The following ARHGAP35 variants were observed in gnomAD, a reference collection of about 807,000 sequenced individuals.
ARHGAP35 encodes rho GTPase-activating protein 35.
In ARHGAP35, 15 loss-of-function variants were observed where a neutral mutation model predicts 111.1. That is an observed-to-expected ratio of 0.13 (90% CI 0.09 to 0.21). The LOEUF (loss-of-function observed/expected upper bound fraction) is 0.21. Among genes scored for constraint, ARHGAP35 ranks in the 10% least tolerant of loss-of-function variants. The pLI is 1.00. For synonymous variants in ARHGAP35, 643 were observed against 710.3 expected (o/e 0.91, Z 1.51); for missense variants, 1,262 against 1,873.0 (o/e 0.67, Z 6.02).
At chr19:46,915,306 A>G (rs371107319) in intron 1 of ARHGAP35, among the ~76,000 whole-genome samples, 43 of 152,308 alleles carry the variant, frequency 2.8e-4, no homozygotes, top group African/African-American at 1.0e-3. Context: ...ATTCTAGAAC[A>G]TGGCATCTTT....
chr19:46,923,136 G>A (rs1342507659), intron 2 of ARHGAP35, among the ~76,000 whole-genome samples: 1 of 136,322 alleles, frequency 7.3e-6, no homozygotes, highest in Non-Finnish European at 1.5e-5. Flanking sequence ...ACGGAGTCTC[G>A]CTCAGTCACC....
chr19:46,861,824 C>T (rs1347413013), intron 1 of ARHGAP35, among the ~76,000 whole-genome samples: 1 of 152,104 alleles, frequency 6.6e-6, no homozygotes, highest in Non-Finnish European at 1.5e-5. Flanking sequence ...GGTTCCAACC[C>T]TTTGGAGATC....
intron 3 of ARHGAP35, among the ~76,000 whole-genome samples, chr19:46,951,396 C>T (rs2122246953): frequency 6.6e-6 from 1 of 152,252 alleles, no homozygotes; most frequent in Middle Eastern, 3.4e-3. Context: ...ACTTTTGAGG[C>T]ATGCCCTTGG....
chr19:46,879,889 C>A (rs1417973678), intron 1 of ARHGAP35, among the ~76,000 whole-genome samples: 1 of 151,616 alleles, frequency 6.6e-6, no homozygotes, highest in Non-Finnish European at 1.5e-5. Flanking sequence ...AGTTAGGGAC[C>A]AGCCTGGCCA....
At chr19:46,958,149 C>T (rs777740788) in intron 3 of ARHGAP35, among the ~76,000 whole-genome samples, 1 of 152,126 alleles carries the variant, frequency 6.6e-6, no homozygotes, top group Non-Finnish European at 1.5e-5. Context: ...TTTGGGAGGC[C>T]GAGGCGGGCG....
chr19:46,938,229 G>A (rs1404546456), intron 3 of ARHGAP35, among the ~76,000 whole-genome samples: 2 of 152,220 alleles, frequency 1.3e-5, no homozygotes, highest in East Asian at 3.8e-4. Flanking sequence ...ATTGTGTGGT[G>A]TGGACAGCCT....
chr19:46,917,379 A>G (rs925186932), intron 1 of ARHGAP35, among the ~76,000 whole-genome samples: 2 of 152,210 alleles, frequency 1.3e-5, no homozygotes, highest in Non-Finnish European at 2.9e-5. Flanking sequence ...AGGCCAAGGC[A>G]GGCAGATCGC....
intron 5 of ARHGAP35, among the ~76,000 whole-genome samples, chr19:46,991,950 T>C (rs1449496615): frequency 2.6e-5 from 4 of 152,214 alleles, no homozygotes; most frequent in Non-Finnish European, 1.5e-5. Flanking sequence ...TCACAACAAA[T>C]ATCAAGGTCA....
At chr19:46,955,936 T>A (rs1599845016) in intron 3 of ARHGAP35, among the ~76,000 whole-genome samples, 1 of 152,178 alleles carries the variant, frequency 6.6e-6, no homozygotes, top group African/African-American at 2.4e-5. Flanking sequence ...ATCCCTAATC[T>A]GAAATCCAAA....
At chr19:46,861,247 C>T (rs1381360042) in intron 1 of ARHGAP35, among the ~76,000 whole-genome samples, 38 bp downstream of exon 1, 1 of 151,162 alleles carries the variant, frequency 6.6e-6, no homozygotes, top group Non-Finnish European at 1.5e-5. Context: ...GCGGCGAGGC[C>T]GGGCGCCGCC....
intron 1 of ARHGAP35, among the ~76,000 whole-genome samples, chr19:46,876,629 C>A (rs928619122): frequency 6.6e-6 from 1 of 151,838 alleles, no homozygotes; most frequent in Non-Finnish European, 1.5e-5. Context: ...CCTCGGCCTC[C>A]CAAAGTGCTG....
chr19:46,973,734 T>A (rs2056564922), intron 3 of ARHGAP35, among the ~76,000 whole-genome samples: 1 of 149,184 alleles, frequency 6.7e-6, no homozygotes, highest in Non-Finnish European at 1.5e-5. Context: ...ATGTCTGTAA[T>A]CCCAGCACTT....
chr19:46,993,443 G>A lies in ARHGAP35; in HGVS notation c.4036+3768G>A, dbSNP rs768731260. On this transcript the variant is annotated intron_variant, in intron 5 of 6. Coordinates refer to ENST00000672722, the MANE Select transcript of ARHGAP35 (RefSeq NM_004491.5). The surrounding 1 kb of genome is among the most constrained non-coding windows in gnomAD (Gnocchi z 4.6). Reference sequence around the variant, plus strand: ...TGGCAAGTGGCGCAGCACAGCCAGGGCAGGAGTGTTCTTTGGGAACAGGGT... The same window carrying A: ...TGGCAAGTGGCGCAGCACAGCCAGGACAGGAGTGTTCTTTGGGAACAGGGT... 2.4e-4 allele frequency among the ~76,000 whole-genome samples: 36 copies of A among 152,360 alleles called. No homozygotes were observed. The highest frequency in any genetic ancestry group is 6.8e-3 in the Middle Eastern group (2 of 294).
chr19:47,003,768 TG>T lies in ARHGAP35; in HGVS notation c.*3081del, dbSNP rs2056760839. 1 of 151,990 alleles carries T rather than the reference TG, an allele frequency of 6.6e-6. No individual in the cohort carries two copies. Among genetic ancestry groups the T allele is most frequent in the South Asian group, 2.1e-4 (1 of 4,826 alleles). The allele number at this position is 151,990 out of a possible 1,614,324, so 9.4% of individuals were successfully genotyped here. Reference sequence around the variant, plus strand: ...TGTCTTTGTCACGGTGGACAGAGGGTGACATCATAGGAGCAGCTCGCTGGCC... The same window carrying T: ...TGTCTTTGTCACGGTGGACAGAGGGTACATCATAGGAGCAGCTCGCTGGCC... On this transcript the variant is annotated 3_prime_UTR_variant, in exon 7 of 7. Transcript: ENST00000672722.
chr19:46,959,297 C>T (rs991422089), intron 3 of ARHGAP35, among the ~76,000 whole-genome samples: 11 of 152,206 alleles, frequency 7.2e-5, no homozygotes, highest in Admixed American at 7.2e-4. Context: ...CTCCTGTGCT[C>T]AAGTGATTCG....
At chr19:46,957,915 A>G (rs1318758974) in intron 3 of ARHGAP35, among the ~76,000 whole-genome samples, 1 of 152,182 alleles carries the variant, frequency 6.6e-6, no homozygotes, top group African/African-American at 2.4e-5. Context: ...GAGATTTCTT[A>G]TGTTCAAAAT....
intron 1 of ARHGAP35, among the ~76,000 whole-genome samples, chr19:46,869,246 T>C (rs560977690): frequency 3.6e-4 from 55 of 152,226 alleles, no homozygotes; most frequent in African/African-American, 3.9e-4. Context: ...TTTAAAAAAA[T>C]GTTAGTCTAA....
intron 1 of ARHGAP35, among the ~76,000 whole-genome samples, chr19:46,897,142 AC>A (rs1158315950): frequency 6.9e-6 from 1 of 145,600 alleles, no homozygotes; most frequent in Non-Finnish European, 1.5e-5. Flanking sequence ...CAAACAATCC[AC>A]CCGCCTCAGC....
chr19:46,861,652 T>A (rs542807858), intron 1 of ARHGAP35, among the ~76,000 whole-genome samples: 1 of 152,078 alleles, frequency 6.6e-6, no homozygotes, highest in Admixed American at 6.5e-5. Context: ...ATCTCTTAAT[T>A]GTGGCTCCCA....
Sources: gnomAD v4.1 joint callset for allele counts (sites outside exome capture counted in the v4.1 genomes callset) on GRCh38, gnomAD v4.1.1 for gene constraint, Gnocchi (gnomAD v3.1) non-coding constraint, MANE v1.5 for transcripts, NCBI Gene and HGNC (gene_info 2026-07-23, HGNC 2026-07-21) for gene names.